CNOT9: variants seen among roughly 807,000 people sequenced by gnomAD.
CNOT9 encodes the protein RCD1 required for cell differentiation1 homolog.
Under a neutral mutation model 37.4 loss-of-function variants are expected in CNOT9, and 8 were observed. The observed-to-expected ratio is 0.21, with a 90% CI of 0.13 to 0.39. CNOT9 has a LOEUF of 0.39. CNOT9 is among the 10% of genes least tolerant of loss of function. The probability of loss-of-function intolerance (pLI) is 1.00; values close to 1 mark genes in which losing one functional copy is unlikely to be tolerated. For missense variants in CNOT9, 154 were observed against 365.3 expected (o/e 0.42, Z 4.71); for synonymous variants, 120 against 137.6 (o/e 0.87, Z 0.90).
At chr2:218,587,035 A>C (rs933404191) in intron 4 of CNOT9, among the ~76,000 whole-genome samples, 9 of 152,198 alleles carry the variant, frequency 5.9e-5, no homozygotes, top group Admixed American at 3.3e-4. Context: ...TGGAGAAAAG[A>C]AAGATTTACA....
Position 218,580,612 on chromosome 2 carries a change from A to G in CNOT9, c.76A>G (p.Ile26Val). 1 of 1,613,956 alleles carries G rather than the reference A, an allele frequency of 6.2e-7. No homozygotes were observed. The highest frequency in any genetic ancestry group is 8.5e-7 in the Non-Finnish European group (1 of 1,179,862). The change falls in exon 2 of 8, where the codon ATC becomes GTC. Residue 26 changes from isoleucine (I) to valine (V), a missense_variant. Physicochemically the swap from Ile to Val is conservative, Grantham distance 29 (BLOSUM62 3). Around this residue, in one of 2 missense-constraint regions of CNOT9, gnomAD observed 37 missense variants for 39.9 expected, o/e 0.93. Coordinates refer to ENST00000273064, the MANE Select transcript of CNOT9 (RefSeq NM_005444.3). ...GGATAGAGAAAAGATCTATCAGTGG[A>G]TCAATGAGCTGTCCAGTCCTGAGAC... ...QVDREKIYQWINELSSPETRE... is the reference protein window; with the variant it reads ...QVDREKIYQWVNELSSPETRE...
At chr2:218,586,557 T>C (rs2106093443) in intron 4 of CNOT9, among the ~76,000 whole-genome samples, 1 of 152,034 alleles carries the variant, frequency 6.6e-6, no homozygotes, top group Middle Eastern at 3.4e-3. Context: ...GGCATAATTT[T>C]GGCTCACTGC....
intron 2 of CNOT9, 91 bp downstream of exon 2, chr2:218,580,831 A>G: frequency 8.3e-7 from 1 of 1,212,076 alleles, no homozygotes; most frequent in Non-Finnish European, 1.2e-6. Context: ...AGACTTTAGG[A>G]GGATGATTCT....
Position 218,594,632 on chromosome 2 carries a change from G to A in CNOT9, c.*356G>A, listed in dbSNP as rs989398886. 1.6e-5 allele frequency: 4 copies of A among 244,804 alleles called. No individual in the cohort carries two copies. Among genetic ancestry groups the A allele is most frequent in the Non-Finnish European group, 3.1e-5 (4 of 127,038 alleles). 15.2% of individuals were successfully genotyped at this position (244,804 alleles called of 1,614,324 possible). A position where few individuals can be genotyped will look rare whatever the true frequency, so the allele number is the denominator to read the frequency against. On this transcript the variant is annotated 3_prime_UTR_variant, in exon 8 of 8. Coordinates refer to ENST00000273064, the MANE Select transcript of CNOT9 (RefSeq NM_005444.3). ...GCAGGGAGGGGAGACAGTGGTGATA[G>A]CAGCAGCACTCTAGGCATGGTGAAC...
In CNOT9 at chr2:218,568,855, G is replaced by C; in HGVS notation, c.-100G>C. 4.4e-6 allele frequency: 6 copies of C among 1,371,152 alleles called. No homozygotes were observed. The highest frequency in any genetic ancestry group is 6.0e-6 in the Non-Finnish European group (6 of 991,964). 84.9% of individuals were successfully genotyped at this position (1,371,152 alleles called of 1,614,324 possible). A position where few individuals can be genotyped will look rare whatever the true frequency, so the allele number is the denominator to read the frequency against. Reference sequence around the variant, plus strand: ...GGGCGGAGCGAGCCGGAGTCGGATGGCGGCTACGGCGGCTCATTGTTTTCC... The same window carrying C: ...GGGCGGAGCGAGCCGGAGTCGGATGCCGGCTACGGCGGCTCATTGTTTTCC... On this transcript the variant is annotated 5_prime_UTR_variant, in exon 1 of 8. Transcript: ENST00000273064.
chr2:218,585,418 C>CA (rs1438242203), intron 4 of CNOT9, among the ~76,000 whole-genome samples: 5 of 151,242 alleles, frequency 3.3e-5, no homozygotes, highest in African/African-American at 1.2e-4. Context: ...AAAAATAATG[C>CA]AAAAATCAGC....
chr2:218,587,118 A>G (rs1281898053), intron 4 of CNOT9, among the ~76,000 whole-genome samples: 1 of 152,178 alleles, frequency 6.6e-6, no homozygotes, highest in African/African-American at 2.4e-5. Flanking sequence ...TGACAAAGGT[A>G]CAAAGACAAT....
chr2:218,588,199 C>G (rs1268681386), intron 5 of CNOT9, among the ~76,000 whole-genome samples: 2 of 151,770 alleles, frequency 1.3e-5, no homozygotes, highest in African/African-American at 2.4e-5. Context: ...CAGCCTAATT[C>G]TTTCCTTTTT....
intron 1 of CNOT9, chr2:218,574,046 C>T (rs546157500): frequency 1.4e-5 from 6 of 430,694 alleles, no homozygotes; most frequent in African/African-American, 4.1e-5. Context: ...CTTGGCTCAC[C>T]GCAACCTCGA....
chr2:218,580,036 T>G (rs1425549511), intron 1 of CNOT9, among the ~76,000 whole-genome samples: 4 of 149,324 alleles, frequency 2.7e-5, no homozygotes, highest in African/African-American at 9.9e-5. Flanking sequence ...TGGCGCTATC[T>G]CGGGTCACTG....
chr2:218,583,339 G>GT (rs148255641), intron 3 of CNOT9, among the ~76,000 whole-genome samples: 1 of 150,992 alleles, frequency 6.6e-6, no homozygotes, highest in African/African-American at 2.4e-5. Context: ...TAAAGAAACA[G>GT]TGTTCACATT....
intron 2 of CNOT9, among the ~76,000 whole-genome samples, chr2:218,582,272 A>C (rs1031091930): frequency 1.3e-5 from 2 of 152,162 alleles, no homozygotes; most frequent in Non-Finnish European, 2.9e-5. Flanking sequence ...CTGGCCAGTG[A>C]TCTCATCACT....
At chr2:218,573,523 A>T (rs986112285) in intron 1 of CNOT9, among the ~76,000 whole-genome samples, 1 of 152,238 alleles carries the variant, frequency 6.6e-6, no homozygotes. Context: ...GAAAATAAAC[A>T]GCTATTTTGG....
chr2:218,584,215 G>C (rs773277548), intron 3 of CNOT9, among the ~76,000 whole-genome samples: 3 of 152,164 alleles, frequency 2.0e-5, no homozygotes, highest in Non-Finnish European at 4.4e-5. Flanking sequence ...TAACCACTGT[G>C]ATCTGGACTA....
intron 5 of CNOT9, among the ~76,000 whole-genome samples, chr2:218,590,601 A>T (rs1321341924): frequency 1.3e-5 from 2 of 152,220 alleles, no homozygotes; most frequent in African/African-American, 4.8e-5. Flanking sequence ...TCAATGTATC[A>T]GGAGGGTCAT....
At chr2:218,588,902 C>T (rs758319639) in intron 5 of CNOT9, among the ~76,000 whole-genome samples, 1 of 151,988 alleles carries the variant, frequency 6.6e-6, no homozygotes, top group Non-Finnish European at 1.5e-5. Flanking sequence ...GAGCATATTA[C>T]TTGTGTCTTT....
intron 1 of CNOT9, among the ~76,000 whole-genome samples, chr2:218,576,940 C>T (rs1694189720): frequency 6.7e-6 from 1 of 148,594 alleles, no homozygotes; most frequent in Admixed American, 6.8e-5. Context: ...GCACTCCAGC[C>T]TGGGAGACAG....
intron 7 of CNOT9, 54 bp from the exon 8 acceptor site, chr2:218,594,054 A>G (rs1390442169): frequency 1.9e-6 from 3 of 1,574,252 alleles, no homozygotes; most frequent in African/African-American, 2.7e-5. Flanking sequence ...CCTGTCCACA[A>G]AATGTGGGTT....
At chr2:218,585,638 ATTTT>A (rs535660050) in intron 4 of CNOT9, among the ~76,000 whole-genome samples, 1 of 41,826 alleles carries the variant, frequency 2.4e-5, no homozygotes, top group Non-Finnish European at 1.8e-4. Flanking sequence ...TTTTTATTTT[ATTTT>A]TTTTTTTTTT....
Sources: gnomAD v4.1 joint callset for allele counts (sites outside exome capture counted in the v4.1 genomes callset) on GRCh38, gnomAD v4.1.1 for gene constraint, gnomAD v4.1.1 regional missense constraint, MANE v1.5 for transcripts, NCBI Gene and HGNC (gene_info 2026-07-23, HGNC 2026-07-21) for gene names.